Variants in WIPF1 observed in about 807,000 individuals in gnomAD.
The protein encoded by WIPF1 is WAS/WASL interacting protein family member 1.
Under a neutral mutation model 35.4 loss-of-function variants are expected in WIPF1, and 13 were observed. The observed-to-expected ratio is 0.37, with a 90% CI of 0.24 to 0.58. The LOEUF (loss-of-function observed/expected upper bound fraction) is 0.58. Ranked by LOEUF, WIPF1 falls within the 20% of genes least tolerant of loss-of-function variation. The pLI, the probability that WIPF1 is intolerant of heterozygous loss-of-function variation, is 0.74. For synonymous variants in WIPF1, 267 were observed against 266.3 expected (o/e 1.00, Z -0.02); for missense variants, 591 against 667.0 (o/e 0.89, Z 1.25).
At chr2:174,673,824 T>TAAAAA (rs67333168) in intron 1 of WIPF1, 2 of 143,858 alleles carry the variant, frequency 1.4e-5, no homozygotes, top group Non-Finnish European at 3.0e-5. Flanking sequence ...ACACTAATAT[T>TAAAAA]AAAAAAAAAA....
intron 1 of WIPF1, among the ~76,000 whole-genome samples, chr2:174,588,844 A>G (rs1380681852): frequency 6.6e-6 from 1 of 152,188 alleles, no homozygotes; most frequent in African/African-American, 2.4e-5. Context: ...CTCACTTTTT[A>G]GAGGGTGATG....
intron 1 of WIPF1, among the ~76,000 whole-genome samples, chr2:174,648,486 C>T (rs181976835): frequency 2.6e-5 from 4 of 152,196 alleles, no homozygotes; most frequent in Non-Finnish European, 5.9e-5. Context: ...TGCCTTTTAA[C>T]CTTTGGTGCA....
chr2:174,630,949 T>G (rs1031558282), intron 1 of WIPF1, among the ~76,000 whole-genome samples: 1 of 152,214 alleles, frequency 6.6e-6, no homozygotes, highest in Admixed American at 6.5e-5. Flanking sequence ...AAGCAAGACA[T>G]GAACATTTTG....
At chr2:174,652,144 G>T (rs570160803) in intron 1 of WIPF1, among the ~76,000 whole-genome samples, 30 of 152,268 alleles carry the variant, frequency 2.0e-4, no homozygotes, top group African/African-American at 6.5e-4. Context: ...GGTCATTTCT[G>T]CCGTACTCCC....
rs1447745424 is a variant in WIPF1, at chr2:174,581,393, C to T, written c.98G>A (p.Arg33Lys). 2 of 1,613,936 alleles carry T rather than the reference C, an allele frequency of 1.2e-6. No homozygotes were observed. Among genetic ancestry groups the T allele is most frequent in the African/African-American group, 2.7e-5 (2 of 74,884 alleles). The stretch of plus-strand genomic sequence containing the variant: ...GCTGATATCAGAAAGGAGAGCATTT[C>T]TCCCAGCCTGCTCTGTCTTATTCAA... ...PTLNKTEQAG[R>K]NALLSDISKG... The change falls in exon 3 of 8, where the codon AGA becomes AAA. Residue 33 changes from arginine to lysine, a missense_variant. This residue lies in a region of WIPF1 where 471 missense variants were observed against 501.1 expected (regional missense o/e 0.94). Coordinates refer to ENST00000679041, the MANE Select transcript of WIPF1 (RefSeq NM_001375834.1).
intron 1 of WIPF1, among the ~76,000 whole-genome samples, chr2:174,605,460 C>G (rs1686131688): frequency 6.6e-6 from 1 of 151,926 alleles, no homozygotes; most frequent in Non-Finnish European, 1.5e-5. Flanking sequence ...AAACAAAAGG[C>G]AACGTGTAGA....
intron 1 of WIPF1, among the ~76,000 whole-genome samples, chr2:174,666,886 CTTGT>C (rs1687903621): frequency 6.6e-6 from 1 of 152,224 alleles, no homozygotes; most frequent in African/African-American, 2.4e-5. Context: ...CCTCTAGTTT[CTTGT>C]TTAATTCTAG....
intron 1 of WIPF1, among the ~76,000 whole-genome samples, chr2:174,632,682 C>G (rs1396162771): frequency 1.7e-5 from 2 of 118,706 alleles, no homozygotes; most frequent in Non-Finnish European, 3.2e-5. Flanking sequence ...GCACTTCAAC[C>G]TAGGCGACAA....
chr2:174,593,169 ACT>A (rs1345046161), intron 1 of WIPF1, among the ~76,000 whole-genome samples: 1 of 151,632 alleles, frequency 6.6e-6, no homozygotes, highest in Non-Finnish European at 1.5e-5. Context: ...ACCAGAGGTA[ACT>A]CTTTGTTATT....
At position 174,561,946 on chromosome 2, in the gene WIPF1, G is replaced by T; in HGVS notation, c.*601C>A. 2 of 927,268 alleles carry T rather than the reference G, an allele frequency of 2.2e-6. No homozygotes were observed. The highest frequency in any genetic ancestry group is 3.2e-6 in the Non-Finnish European group (2 of 626,908). The allele number at this position is 927,268 out of a possible 1,614,324, so 57.4% of individuals were successfully genotyped here. A position where few individuals can be genotyped will look rare whatever the true frequency, so the allele number is the denominator to read the frequency against. ...TGTTGATTACAGGTTGAAATATTTT[G>T]GATGCATATTAACTTCACTTGTTTA... On this transcript the variant is annotated 3_prime_UTR_variant, in exon 8 of 8. Coordinates refer to ENST00000679041, the MANE Select transcript of WIPF1 (RefSeq NM_001375834.1).
chr2:174,678,074 G>C (rs530009698), intron 1 of WIPF1, among the ~76,000 whole-genome samples: 16 of 152,182 alleles, frequency 1.1e-4, no homozygotes, highest in African/African-American at 3.9e-4. Context: ...TAATGTTACA[G>C]AAAGGGAAAG....
intron 7 of WIPF1, 76 bp from the exon 8 acceptor site, chr2:174,562,678 G>T: frequency 6.4e-7 from 1 of 1,566,678 alleles, no homozygotes; most frequent in Non-Finnish European, 8.7e-7. Flanking sequence ...GGGGATGGTT[G>T]CACGGGTACC....
At chr2:174,595,169 T>A (rs1412178965) in intron 1 of WIPF1, among the ~76,000 whole-genome samples, 2 of 133,722 alleles carry the variant, frequency 1.5e-5, no homozygotes, top group Admixed American at 1.6e-4. Context: ...CACACATCTG[T>A]AGTTCCAGCT....
intron 1 of WIPF1, among the ~76,000 whole-genome samples, chr2:174,645,963 T>C (rs1687400369): frequency 6.6e-6 from 1 of 152,192 alleles, no homozygotes; most frequent in South Asian, 2.1e-4. Context: ...CAGGGTGAGT[T>C]TTAAGAAGGC....
chr2:174,618,920 A>C (rs1686594846), intron 1 of WIPF1, among the ~76,000 whole-genome samples: 3 of 151,906 alleles, frequency 2.0e-5, no homozygotes, highest in Admixed American at 2.0e-4. Flanking sequence ...CCTTGGCTCC[A>C]CTCATTATGA....
intron 5 of WIPF1, 133 bp from the exon 6 acceptor site, chr2:174,568,206 G>T: frequency 8.8e-7 from 1 of 1,138,324 alleles, no homozygotes; most frequent in Non-Finnish European, 1.2e-6. Flanking sequence ...AGGATATTTG[G>T]CTGAGAAATG....
At chr2:174,666,904 G>C (rs1458425877) in intron 1 of WIPF1, among the ~76,000 whole-genome samples, 3 of 152,190 alleles carry the variant, frequency 2.0e-5, no homozygotes, top group Non-Finnish European at 4.4e-5. Context: ...ATTCTAGAAG[G>C]GTCCAGGCTC....
At chr2:174,578,837 T>C (rs1272463243) in intron 3 of WIPF1, among the ~76,000 whole-genome samples, 2 of 152,356 alleles carry the variant, frequency 1.3e-5, no homozygotes, top group South Asian at 2.1e-4. Flanking sequence ...TTTCTAGAAG[T>C]GTATGCAAAA....
chr2:174,670,202 T>G (rs926059018), intron 1 of WIPF1, among the ~76,000 whole-genome samples: 1 of 152,146 alleles, frequency 6.6e-6, no homozygotes, highest in African/African-American at 2.4e-5. Flanking sequence ...CCCATCCCAC[T>G]GATGGGGGTC....
Sources: allele counts gnomAD v4.1 joint callset (sites outside exome capture counted in the v4.1 genomes callset), GRCh38; gene constraint gnomAD v4.1.1; regional missense constraint gnomAD v4.1.1; transcripts MANE v1.5; gene names NCBI Gene and HGNC (gene_info 2026-07-23, HGNC 2026-07-21).